ARHGEF18: variants seen among roughly 807,000 people sequenced by gnomAD.
ARHGEF18 encodes rho guanine nucleotide exchange factor 18.
Under a neutral mutation model 155.7 loss-of-function variants are expected in ARHGEF18, and 93 were observed. The ratio of observed to expected loss-of-function variants is 0.60; its 90% CI spans 0.50 to 0.71. The LOEUF (loss-of-function observed/expected upper bound fraction) is 0.71. Among genes scored for constraint, ARHGEF18 ranks in the 30% least tolerant of loss-of-function variants. ARHGEF18 has a pLI of 0.00. For synonymous variants in ARHGEF18, 742 were observed against 753.1 expected (o/e 0.99, Z 0.24); for missense variants, 1,593 against 1,816.1 (o/e 0.88, Z 2.23).
intron 10 of ARHGEF18, among the ~76,000 whole-genome samples, chr19:7,397,657 C>T (rs919154969): frequency 4.0e-5 from 6 of 151,566 alleles, no homozygotes; most frequent in Non-Finnish European, 8.8e-5. Context: ...GGCGTGAACC[C>T]GGGAGGTAGA....
Position 7,375,450 on chromosome 19 carries a change from A to AAAAG in ARHGEF18, c.276-264_276-261dup, listed in dbSNP as rs1424810952. 2.0e-5 allele frequency among the ~76,000 whole-genome samples: 3 copies of AAAAG among 152,144 alleles called. No homozygotes were observed. The East Asian group carries it at 5.8e-4, about 29-fold the overall frequency. On this transcript the variant is annotated intron_variant, in intron 3 of 28. Transcript: ENST00000668164. ...AAGGAAGGAAGAAAAGAAAAGAAAG[A>AAAAG]AAAGAAAGAGAAAACCAGTCTGTGC...
chr19:7,435,055 A>C (rs1371408690), intron 10 of ARHGEF18, among the ~76,000 whole-genome samples: 1 of 152,148 alleles, frequency 6.6e-6, no homozygotes, highest in Non-Finnish European at 1.5e-5. Flanking sequence ...TACAAAAATT[A>C]GCTGGGCGTG....
intron 16 of ARHGEF18, 45 bp from the exon 17 acceptor site, chr19:7,453,422 T>C: frequency 6.5e-7 from 1 of 1,546,798 alleles, no homozygotes; most frequent in Non-Finnish European, 8.7e-7. Context: ...ACTTCTGTTG[T>C]GTTAAAGTGG....
intron 2 of ARHGEF18, 116 bp from the exon 3 acceptor site, chr19:7,372,696 T>TAGGGGACAGGC: frequency 3.7e-6 from 4 of 1,074,654 alleles, no homozygotes; most frequent in Non-Finnish European, 4.7e-6. Context: ...GAGGGACAGG[T>TAGGGGACAGGC]AGGGGACAGG....
intron 2 of ARHGEF18, among the ~76,000 whole-genome samples, chr19:7,369,556 T>C (rs564884430): frequency 6.6e-6 from 1 of 151,998 alleles, no homozygotes; most frequent in African/African-American, 2.4e-5. Context: ...CCCAGCCCTT[T>C]GGGAGGCTGA....
rs1017615362 is a variant in ARHGEF18 at position 7,444,807 on chromosome 19, CTT to C, written c.1611+357_1611+358del. On this transcript the variant is annotated intron_variant, in intron 14 of 28. Transcript: ENST00000668164. The surrounding 1 kb of genome is among the most constrained non-coding windows in gnomAD (Gnocchi z 4.7). Reference sequence around the variant, plus strand: ...TCCAGGGAACACCATGCCTGGCTAACTTTTTATTTTTTGAAGAGATGGGGTCT... The same window carrying C: ...TCCAGGGAACACCATGCCTGGCTAACTTTATTTTTTGAAGAGATGGGGTCT... Among the ~76,000 whole-genome samples, 2 of 152,158 alleles carry C rather than the reference CTT, an allele frequency of 1.3e-5. No homozygotes were observed. The highest frequency in any genetic ancestry group is 4.8e-5 in the African/African-American group (2 of 41,440).
In ARHGEF18 at chr19:7,463,839, TCTGCAGGCAG is replaced by T. The variant is rs753598640; in HGVS notation, c.2661_2670del (p.Cys887TrpfsTer62). The T allele has an allele frequency of 4.9e-5, 79 of 1,607,254 alleles. No homozygotes were observed. The highest frequency in any genetic ancestry group is 6.4e-5 in the Non-Finnish European group (75 of 1,177,534). ...ACAGTCGAGGGCATCCAGAGCCTGA[TCTGCAGGCAG>T]CTGGGCAGCGCCAACGGCCAGGCGG... On this transcript the variant is annotated frameshift_variant, in exon 22 of 29. Transcript: ENST00000668164. LOFTEE classifies it high-confidence loss of function. The surrounding 1 kb of genome is among the most constrained non-coding windows in gnomAD (Gnocchi z 5.2).
intron 10 of ARHGEF18, among the ~76,000 whole-genome samples, chr19:7,437,252 A>C (rs1974317511): frequency 6.6e-6 from 1 of 152,002 alleles, no homozygotes; most frequent in Admixed American, 6.6e-5. Flanking sequence ...AACATGGAGA[A>C]ACTCCGTCTC....
intron 3 of ARHGEF18, among the ~76,000 whole-genome samples, chr19:7,373,900 C>G (rs1398086921): frequency 3.4e-5 from 5 of 146,986 alleles, no homozygotes; most frequent in Non-Finnish European, 7.4e-5. Flanking sequence ...GCCCAGGCTA[C>G]AGGCTCACAC....
intron 18 of ARHGEF18, among the ~76,000 whole-genome samples, chr19:7,457,931 T>G (rs1008137677): frequency 1.4e-4 from 21 of 152,260 alleles, no homozygotes; most frequent in African/African-American, 5.1e-4. Context: ...TTGAGCTTTC[T>G]CGTGTGTATG....
chr19:7,392,272 T>C (rs1600274947), intron 10 of ARHGEF18, among the ~76,000 whole-genome samples: 1 of 142,036 alleles, frequency 7.0e-6, no homozygotes, highest in South Asian at 2.2e-4. Flanking sequence ...GACTCATAAA[T>C]GCAGAATGGT....
intron 10 of ARHGEF18, among the ~76,000 whole-genome samples, chr19:7,389,108 C>T (rs1008515271): frequency 9.2e-5 from 14 of 151,390 alleles, no homozygotes; most frequent in Non-Finnish European, 1.8e-4. Context: ...ACTTCAGCCT[C>T]CCGAGTAGCA....
Position 7,445,690 on chromosome 19 carries a change from G to A in ARHGEF18, c.1611+1236G>A. 1.3e-5 allele frequency among the ~76,000 whole-genome samples: 2 copies of A among 152,088 alleles called. 1 individual carries two copies. Among genetic ancestry groups the A allele is most frequent in the Non-Finnish European group, 2.9e-5 (2 of 68,018 alleles). On this transcript the variant is annotated intron_variant, in intron 14 of 28. Transcript: ENST00000668164. ...GCTGGAGTGCAGTGGTGCAATGTCG[G>A]CTCACTGCAACCTGCACCTCCCAGG... is the stretch of plus-strand genomic sequence containing the variant.
At chr19:7,398,895 GC>G (rs1971876652) in intron 10 of ARHGEF18, among the ~76,000 whole-genome samples, 1 of 152,198 alleles carries the variant, frequency 6.6e-6, no homozygotes, top group Non-Finnish European at 1.5e-5. Flanking sequence ...GTGGGCCAGG[GC>G]CGTGGTGACT....
rs912432862 is a variant in ARHGEF18 at position 7,470,060 on chromosome 19, T to C, written c.3913+31T>C. 7 of 1,611,340 alleles carry C rather than the reference T, an allele frequency of 4.3e-6. No homozygotes were observed. The African/African-American group carries it at 5.4e-5, about 12-fold the overall frequency. On this transcript the variant is annotated intron_variant, in intron 28 of 28. Coordinates refer to ENST00000668164, the MANE Select transcript of ARHGEF18 (RefSeq NM_001367823.1). This position sits in a 1 kb window ranked among gnomAD's most constrained non-coding sequence, Gnocchi z 5.9. ...CCCCCACCCCCTGACATGAGCCCAG[T>C]CCCAGGGCAGCGGGGCTGCGGCACC...
chr19:7,474,171 T>G (rs963567053), downstream of ARHGEF18, among the ~76,000 whole-genome samples: 1 of 151,766 alleles, frequency 6.6e-6, no homozygotes, highest in African/African-American at 2.4e-5. Flanking sequence ...AAACCCCATC[T>G]CTACTAAAAA....
chr19:7,415,927 T>C (rs962428521), intron 10 of ARHGEF18, among the ~76,000 whole-genome samples: 2 of 152,188 alleles, frequency 1.3e-5, no homozygotes, highest in African/African-American at 4.8e-5. Context: ...TCCATTCATA[T>C]TGGTGCAGAG....
chr19:7,430,650 A>T (rs1973903276), intron 10 of ARHGEF18, among the ~76,000 whole-genome samples: 1 of 151,852 alleles, frequency 6.6e-6, no homozygotes, highest in Admixed American at 6.6e-5. Flanking sequence ...AAAAATATCT[A>T]AAAAATTAGC....
At chr19:7,424,687 A>G (rs1973550102) in intron 10 of ARHGEF18, among the ~76,000 whole-genome samples, 1 of 152,156 alleles carries the variant, frequency 6.6e-6, no homozygotes, top group South Asian at 2.1e-4. Context: ...TCACTCTTGT[A>G]CTATTCATTA....
Sources: allele counts gnomAD v4.1 joint callset (sites outside exome capture counted in the v4.1 genomes callset), GRCh38; gene constraint gnomAD v4.1.1; non-coding constraint Gnocchi (gnomAD v3.1); transcripts MANE v1.5; gene names NCBI Gene and HGNC (gene_info 2026-07-23, HGNC 2026-07-21).